The following TCF7L2 variants were observed in gnomAD, a reference collection of about 807,000 sequenced individuals.
The protein encoded by TCF7L2 is transcription factor 7 like 2.
A neutral mutation model predicts 77.9 loss-of-function variants in TCF7L2; 23 were observed. That is an observed-to-expected ratio of 0.30 (90% CI 0.21 to 0.42). The LOEUF is 0.42. TCF7L2 is among the 10% of genes least tolerant of loss of function. The pLI is 1.00. For missense variants in TCF7L2, 654 were observed against 793.1 expected (o/e 0.82, Z 2.11); for synonymous variants, 413 against 340.2 (o/e 1.21, Z -2.36).
intron 5 of TCF7L2, among the ~76,000 whole-genome samples, chr10:113,046,965 T>C (rs961327160): frequency 6.6e-6 from 1 of 152,204 alleles, no homozygotes; most frequent in East Asian, 1.9e-4. Flanking sequence ...ATTGCTGTAG[T>C]TAATAAGCAC....
chr10:113,102,275 C>T (rs1462540057), intron 5 of TCF7L2, among the ~76,000 whole-genome samples: 1 of 152,056 alleles, frequency 6.6e-6, no homozygotes, highest in Non-Finnish European at 1.5e-5. Context: ...ATGTGCAACT[C>T]ACTGTTTATG....
chr10:112,980,848 G>T (rs1031011329), intron 4 of TCF7L2, among the ~76,000 whole-genome samples: 5 of 151,986 alleles, frequency 3.3e-5, no homozygotes, highest in African/African-American at 1.2e-4. Flanking sequence ...GGATGGTCTC[G>T]ATCTCTTGAC....
rs559610840 is a variant in TCF7L2, at chr10:113,107,430, T to G, written c.553-33754T>G. Among the ~76,000 whole-genome samples, 297 of 152,154 alleles carry G rather than the reference T, an allele frequency of 2.0e-3. 1 individual carries two copies. Among genetic ancestry groups the G allele is most frequent in the African/African-American group, 6.5e-3 (271 of 41,502 alleles). On this transcript the variant is annotated intron_variant, in intron 5 of 13. Coordinates refer to ENST00000627217, the MANE Select transcript of TCF7L2 (RefSeq NM_001146274.2). ...CTGTTGACTGATACCCAAGCCTTGA[T>G]GTACACATTTGTGGTCAAGACATCA...
intron 4 of TCF7L2, among the ~76,000 whole-genome samples, chr10:113,015,610 A>G (rs1186563630): frequency 1.3e-5 from 2 of 152,182 alleles, no homozygotes; most frequent in South Asian, 2.1e-4. Flanking sequence ...CTGGGACTAT[A>G]TACTACAGGC....
chr10:113,076,807 G>C lies in TCF7L2; in HGVS notation c.552+36681G>C, dbSNP rs2058744329. Among the ~76,000 whole-genome samples the C allele has an allele frequency of 3.3e-5, 5 of 152,172 alleles. No individual in the cohort carries two copies. The South Asian group carries it at 1.0e-3, about 32-fold the overall frequency. On this transcript the variant is annotated intron_variant, in intron 5 of 13. Transcript: ENST00000627217. Reference sequence around the variant, plus strand: ...CCATTAGTTGCCTTTGGGAGCACAGGATGTTTGATGTGAAAATTATATGGA... The same window carrying C: ...CCATTAGTTGCCTTTGGGAGCACAGCATGTTTGATGTGAAAATTATATGGA...
At chr10:112,974,376 C>T (rs188498662) in intron 4 of TCF7L2, among the ~76,000 whole-genome samples, 38 of 152,308 alleles carry the variant, frequency 2.5e-4, no homozygotes, top group Admixed American at 5.9e-4. Context: ...CATACGTGTG[C>T]CTCTTATGGG....
chr10:112,995,691 A>G (rs1383883038), intron 4 of TCF7L2, among the ~76,000 whole-genome samples: 2 of 152,170 alleles, frequency 1.3e-5, no homozygotes, highest in African/African-American at 4.8e-5. Context: ...ATTAGCCTAA[A>G]GGTCATTCCC....
intron 5 of TCF7L2, chr10:113,126,737 T>G: frequency 2.1e-5 from 21 of 985,682 alleles, no homozygotes; most frequent in Non-Finnish European, 2.3e-5. Context: ...GTGCCGCGGG[T>G]GCGCGGCGGC....
At chr10:113,048,730 A>G (rs978716750) in intron 5 of TCF7L2, among the ~76,000 whole-genome samples, 3 of 152,184 alleles carry the variant, frequency 2.0e-5, no homozygotes, top group African/African-American at 7.2e-5. Context: ...CCAGAAAGTC[A>G]GGCTGAGGGC....
chr10:112,978,700 C>T (rs1316477415), intron 4 of TCF7L2, among the ~76,000 whole-genome samples: 8 of 148,210 alleles, frequency 5.4e-5, no homozygotes, highest in Non-Finnish European at 1.0e-4. Flanking sequence ...AGGATGGTCT[C>T]GATCTCCTGA....
At chr10:113,112,429 C>T (rs553765766) in intron 5 of TCF7L2, among the ~76,000 whole-genome samples, 5 of 152,310 alleles carry the variant, frequency 3.3e-5, no homozygotes, top group South Asian at 4.1e-4. Flanking sequence ...AATCACCACC[C>T]GGCTAGCGAC....
Position 112,963,221 on chromosome 10 carries a change from A to AT in TCF7L2, c.382-1327dup, listed in dbSNP as rs560203040. Among the ~76,000 whole-genome samples the AT allele has an allele frequency of 1.8e-3, 281 of 151,980 alleles. 1 individual carries two copies. Among genetic ancestry groups the AT allele is most frequent in the Non-Finnish European group, 2.7e-3 (185 of 67,952 alleles). On this transcript the variant is annotated intron_variant, in intron 3 of 13. Coordinates refer to ENST00000627217, the MANE Select transcript of TCF7L2 (RefSeq NM_001146274.2). ...CCCATGAACAACATGGATTTAGACT[A>AT]TTTTTTTTATGGGATTACTACCCTT...
intron 5 of TCF7L2, among the ~76,000 whole-genome samples, chr10:113,040,706 A>G (rs2052292127): frequency 6.6e-6 from 1 of 152,258 alleles, no homozygotes; most frequent in South Asian, 2.1e-4. Flanking sequence ...GGTTTGATAG[A>G]GAAAGCATTT....
At chr10:113,016,770 C>T (rs1189486828) in intron 4 of TCF7L2, among the ~76,000 whole-genome samples, 1 of 152,002 alleles carries the variant, frequency 6.6e-6, no homozygotes, top group Non-Finnish European at 1.5e-5. Flanking sequence ...TTTACTTTCC[C>T]CCTTAGTAGC....
intron 4 of TCF7L2, among the ~76,000 whole-genome samples, chr10:112,971,314 A>G (rs756654009): frequency 6.6e-6 from 1 of 151,862 alleles, no homozygotes; most frequent in Non-Finnish European, 1.5e-5. Flanking sequence ...ATTTTTTTTG[A>G]GACAGAGCCT....
At chr10:112,969,296 A>G (rs902777539) in intron 4 of TCF7L2, among the ~76,000 whole-genome samples, 5 of 152,118 alleles carry the variant, frequency 3.3e-5, no homozygotes, top group Non-Finnish European at 2.9e-5. Flanking sequence ...AGTTTCATCC[A>G]TGTTATTTTG....
intron 7 of TCF7L2, among the ~76,000 whole-genome samples, chr10:113,145,048 T>C (rs973952174): frequency 1.3e-5 from 2 of 151,824 alleles, no homozygotes; most frequent in Non-Finnish European, 2.9e-5. Context: ...TTAAGGAAGA[T>C]AAAATTTTGG....
At chr10:113,044,299 T>C (rs2053032068) in intron 5 of TCF7L2, among the ~76,000 whole-genome samples, 3 of 152,358 alleles carry the variant, frequency 2.0e-5, no homozygotes, top group South Asian at 2.1e-4. Context: ...CCGTCTACCC[T>C]GTGCATTTTC....
intron 4 of TCF7L2, among the ~76,000 whole-genome samples, chr10:112,994,887 G>A (rs1418393420): frequency 6.6e-6 from 1 of 152,042 alleles, no homozygotes; most frequent in Non-Finnish European, 1.5e-5. Context: ...ATCACCTAAG[G>A]TCAGGAGTTC....
Sources: gnomAD v4.1 joint callset for allele counts (sites outside exome capture counted in the v4.1 genomes callset) on GRCh38, gnomAD v4.1.1 for gene constraint, MANE v1.5 for transcripts, NCBI Gene and HGNC (gene_info 2026-07-23, HGNC 2026-07-21) for gene names.